The following ZNF507 variants were observed in gnomAD, a reference collection of about 807,000 sequenced individuals.
The protein encoded by ZNF507 is zinc finger protein 507.
ZNF507 carries 29 observed loss-of-function variants against 80.0 expected under a neutral mutation model. The observed-to-expected ratio is 0.36, with a 90% confidence interval of 0.27 to 0.49. The LOEUF is 0.49. Among genes scored for constraint, ZNF507 ranks in the 20% least tolerant of loss-of-function variants. The pLI is 0.98. For missense variants in ZNF507, 1,081 were observed against 1,152.2 expected (o/e 0.94, Z 0.90); for synonymous variants, 462 against 422.5 (o/e 1.09, Z -1.15).
At position 32,386,043 on chromosome 19, in the gene ZNF507, T is replaced by C. The variant is rs1375756700; in HGVS notation, c.*2960T>C. On this transcript the variant is annotated 3_prime_UTR_variant, in exon 7 of 7. Coordinates refer to ENST00000355898, the MANE Select transcript of ZNF507 (RefSeq NM_001136156.2). ...TTCTGATCATTATAAAGAATACTTT[T>C]CAGGGCTCTATCATTTTCTCCCTTT... is the stretch of plus-strand genomic sequence containing the variant. The C allele has an allele frequency of 6.6e-6, 1 of 152,252 alleles. No individual in the cohort carries two copies. Among genetic ancestry groups the C allele is most frequent in the East Asian group, 1.9e-4 (1 of 5,194 alleles). 9.4% of individuals were successfully genotyped at this position (152,252 alleles called of 1,614,324 possible).
At chr19:32,358,489 C>G (rs561327052) in intron 4 of ZNF507, 3 of 152,298 alleles carry the variant, frequency 2.0e-5, no homozygotes, top group Middle Eastern at 3.4e-3. Flanking sequence ...GTGTTAGGTG[C>G]TGGGAGTACA....
At chr19:32,363,045 G>T (rs967842914) in intron 5 of ZNF507, among the ~76,000 whole-genome samples, 2 of 152,108 alleles carry the variant, frequency 1.3e-5, no homozygotes, top group African/African-American at 4.8e-5. Flanking sequence ...CTTTCTCCTC[G>T]TTGTCCTATA....
At chr19:32,370,639 A>G (rs1967457830) in intron 5 of ZNF507, among the ~76,000 whole-genome samples, 1 of 152,136 alleles carries the variant, frequency 6.6e-6, no homozygotes, top group African/African-American at 2.4e-5. Context: ...TTAACCCCTT[A>G]TCGGATATGT....
chr19:32,376,460 C>G (rs1443704729), intron 5 of ZNF507, among the ~76,000 whole-genome samples: 1 of 152,174 alleles, frequency 6.6e-6, no homozygotes, highest in East Asian at 1.9e-4. Context: ...CCTGGAGCGT[C>G]TCAGGTCCAG....
At chr19:32,359,423 T>G (rs1016949380) in intron 4 of ZNF507, 1 of 152,236 alleles carries the variant, frequency 6.6e-6, no homozygotes, top group African/African-American at 2.4e-5. Flanking sequence ...ACCTAAGCTT[T>G]CTTCCTGCCA....
intron 5 of ZNF507, among the ~76,000 whole-genome samples, chr19:32,366,916 T>G (rs2145331072): frequency 6.6e-6 from 1 of 152,362 alleles, no homozygotes; most frequent in Non-Finnish European, 1.5e-5. Flanking sequence ...TGCATTTCCC[T>G]GATAATTTCT....
At chr19:32,364,179 G>C (rs1015448731) in intron 5 of ZNF507, among the ~76,000 whole-genome samples, 2 of 152,144 alleles carry the variant, frequency 1.3e-5, no homozygotes, top group Non-Finnish European at 2.9e-5. Flanking sequence ...GAAAAAAAGA[G>C]AGCTGTTTTC....
chr19:32,355,470 T>C (rs1967239873), intron 3 of ZNF507, among the ~76,000 whole-genome samples: 1 of 152,130 alleles, frequency 6.6e-6, no homozygotes. Flanking sequence ...GTCATGGAAA[T>C]AGAGCCATGT....
At chr19:32,374,125 A>G (rs916922064) in intron 5 of ZNF507, among the ~76,000 whole-genome samples, 1 of 151,896 alleles carries the variant, frequency 6.6e-6, no homozygotes, top group African/African-American at 2.4e-5. Flanking sequence ...TAACTAAGCC[A>G]TAGTAACTGA....
rs1172263626 is a variant in ZNF507 at position 32,356,605 on chromosome 19, C to T, written c.2128-11C>T. 1 of 1,595,272 alleles carries T rather than the reference C, an allele frequency of 6.3e-7. No individual in the cohort carries two copies. Among genetic ancestry groups the T allele is most frequent in the Non-Finnish European group, 8.6e-7 (1 of 1,163,794 alleles). ...TTTATTGAAAATTACATATTTCTTT[C>T]CACTTTTTAGAGTCAATTGAGGAAC... On this transcript the variant is annotated splice_polypyrimidine_tract_variant and intron_variant, in intron 3 of 6. Transcript: ENST00000355898.
chr19:32,354,157 C>T lies in ZNF507; in HGVS notation c.1327C>T (p.Arg443Cys), dbSNP rs746739319. 1.2e-6 allele frequency: 2 copies of T among 1,613,084 alleles called. No individual in the cohort carries two copies. Among genetic ancestry groups the T allele is most frequent in the African/African-American group, 2.7e-5 (2 of 75,006 alleles). ...IGREGMDDVY[R>C]ADKCTVDIGG... ...GCGCGAAGGAATGGATGATGTTTAT[C>T]GTGCTGATAAATGTACTGTTGATAT... is the stretch of plus-strand genomic sequence containing the variant. The change falls in exon 3 of 7, where the codon CGT (arginine) becomes TGT (cysteine). Residue 443 changes from arginine to cysteine, a missense_variant. By Grantham distance (180) the Arg-to-Cys change is radical (BLOSUM62 -3). Transcript: ENST00000355898.
intron 5 of ZNF507, among the ~76,000 whole-genome samples, chr19:32,379,537 G>A (rs992613831): frequency 8.5e-5 from 13 of 152,204 alleles, no homozygotes; most frequent in Non-Finnish European, 1.8e-4. Flanking sequence ...CCTTCCTCCT[G>A]AGAGGTAACC....
chr19:32,362,826 A>C (rs897858595), intron 5 of ZNF507, among the ~76,000 whole-genome samples: 5 of 152,146 alleles, frequency 3.3e-5, no homozygotes, highest in African/African-American at 1.2e-4. Context: ...CCACTTTGTC[A>C]CTGGGTTTGG....
At position 32,386,590 on chromosome 19, in the gene ZNF507, T is replaced by G. The variant is rs1237135841; in HGVS notation, c.*3507T>G. On this transcript the variant is annotated 3_prime_UTR_variant, in exon 7 of 7. Transcript: ENST00000355898. ...TAAAGACTACAGTTAATTCTGACAC[T>G]GTATCTTATTAAAATAGGATGATTT... 6.6e-6 allele frequency: 1 copy of G among 152,654 alleles called. No homozygotes were observed. Among genetic ancestry groups the G allele is most frequent in the Non-Finnish European group, 1.5e-5 (1 of 68,044 alleles). The allele number at this position is 152,654 out of a possible 1,614,324, so 9.5% of individuals were successfully genotyped here.
At chr19:32,346,028 C>T (rs770558013) in intron 1 of ZNF507, among the ~76,000 whole-genome samples, 16 of 152,216 alleles carry the variant, frequency 1.1e-4, no homozygotes, top group South Asian at 2.1e-4. Context: ...ATACTGTCAC[C>T]AGCCCGGCCC....
chr19:32,355,695 G>A (rs1371647070), intron 3 of ZNF507, among the ~76,000 whole-genome samples: 1 of 152,160 alleles, frequency 6.6e-6, no homozygotes, highest in Non-Finnish European at 1.5e-5. Context: ...GGCTAACTAG[G>A]AGGTAGACTT....
intron 5 of ZNF507, 80 bp downstream of exon 5, chr19:32,360,698 TAGCA>T: frequency 1.4e-6 from 1 of 699,466 alleles, no homozygotes; most frequent in Middle Eastern, 4.4e-4. Flanking sequence ...TAAAAATGTA[TAGCA>T]CTTACTGAAA....
chr19:32,366,760 G>A (rs768372992), intron 5 of ZNF507, among the ~76,000 whole-genome samples: 1 of 152,234 alleles, frequency 6.6e-6, no homozygotes, highest in African/African-American at 2.4e-5. Flanking sequence ...AATTGGACAT[G>A]TATATGTATT....
In ZNF507 at chr19:32,383,447, T is replaced by TA. The variant is rs1967650016; in HGVS notation, c.*368dup. The TA allele has an allele frequency of 5.2e-6, 1 of 192,568 alleles. No individual in the cohort carries two copies. Among genetic ancestry groups the TA allele is most frequent in the Admixed American group, 5.4e-5 (1 of 18,596 alleles). 11.9% of individuals were successfully genotyped at this position (192,568 alleles called of 1,614,324 possible). A position where few individuals can be genotyped will look rare whatever the true frequency, so the allele number is the denominator to read the frequency against. ...TTTTCAGGAACTATTCTAAAAGTCA[T>TA]AAAAGGGTCACAGTCTTAAGCAGAG... On this transcript the variant is annotated 3_prime_UTR_variant, in exon 7 of 7. Transcript: ENST00000355898.
Sources: gnomAD v4.1 joint callset for allele counts (sites outside exome capture counted in the v4.1 genomes callset) on GRCh38, gnomAD v4.1.1 for gene constraint, MANE v1.5 for transcripts, NCBI Gene and HGNC (gene_info 2026-07-23, HGNC 2026-07-21) for gene names.